Variants in ZNF146 observed in about 807,000 individuals in gnomAD.
ZNF146 encodes zinc finger protein OZF.
ZNF146 carries 9 observed loss-of-function variants against 22.2 expected under a neutral mutation model. The observed-to-expected ratio is 0.41, with a 90% CI of 0.24 to 0.71. ZNF146 has a LOEUF of 0.71. ZNF146 is among the 30% of genes least tolerant of loss of function. The probability of loss-of-function intolerance (pLI) is 0.34; values close to 1 mark genes in which losing one functional copy is unlikely to be tolerated. For synonymous variants in ZNF146, 108 were observed against 119.2 expected (o/e 0.91, Z 0.61); for missense variants, 194 against 344.8 (o/e 0.56, Z 3.46).
Position 36,237,514 on chromosome 19 carries a change from G to C in ZNF146, c.*195G>C. On this transcript the variant is annotated 3_prime_UTR_variant, in exon 4 of 4. Transcript: ENST00000443387. ...TATGATTAAAACCCTGTGTCCAACA[G>C]AGAAACCTGCAGCAGAGATAATGGT... The C allele has an allele frequency of 1.9e-6, 1 of 539,158 alleles. No individual in the cohort carries two copies. Among genetic ancestry groups the C allele is most frequent in the Non-Finnish European group, 3.1e-6 (1 of 324,776 alleles). The allele number at this position is 539,158 out of a possible 1,614,324, so 33.4% of individuals were successfully genotyped here. A position where few individuals can be genotyped will look rare whatever the true frequency, so the allele number is the denominator to read the frequency against.
chr19:36,222,126 G>A (rs1490856364), intron 2 of ZNF146, among the ~76,000 whole-genome samples: 1 of 151,870 alleles, frequency 6.6e-6, no homozygotes, highest in Non-Finnish European at 1.5e-5. Flanking sequence ...AGGTCTCACT[G>A]TTTCCCAGAT....
chr19:36,223,510 A>G (rs1328365518), intron 2 of ZNF146, among the ~76,000 whole-genome samples: 2 of 151,742 alleles, frequency 1.3e-5, no homozygotes, highest in African/African-American at 4.8e-5. Flanking sequence ...CTACAGGCGC[A>G]TGCCACCACG....
At chr19:36,233,250 A>G (rs1037954130) in intron 3 of ZNF146, among the ~76,000 whole-genome samples, 12 of 152,104 alleles carry the variant, frequency 7.9e-5, no homozygotes, top group African/African-American at 2.9e-4. Context: ...GTGGTGATGC[A>G]TGCCTGTAAT....
chr19:36,220,980 G>C (rs561730123), intron 2 of ZNF146, among the ~76,000 whole-genome samples: 6 of 151,874 alleles, frequency 4.0e-5, no homozygotes, highest in African/African-American at 1.4e-4. Flanking sequence ...AGCCTCCTGA[G>C]TAGCTGGGAT....
At chr19:36,232,194 C>CAAA (rs35069898) in intron 3 of ZNF146, among the ~76,000 whole-genome samples, 1 of 108,936 alleles carries the variant, frequency 9.2e-6, no homozygotes. Flanking sequence ...GACTCCATCT[C>CAAA]AAAAAAAAAA....
chr19:36,215,414 C>T (rs1251045143), intron 1 of ZNF146, among the ~76,000 whole-genome samples: 1 of 152,046 alleles, frequency 6.6e-6, no homozygotes, highest in Non-Finnish European at 1.5e-5. Context: ...GAATGTGAAA[C>T]TGGGTGCGGG....
rs542841710 is a variant in ZNF146, at chr19:36,235,709, G to A, written c.-732G>A. On this transcript the variant is annotated 5_prime_UTR_variant, in exon 4 of 4. Transcript: ENST00000443387. ...GATAGAGAGGCACCAGGACTTGAGAGGCACCAGGACTTGGGAGGCATGTTG... is the reference window on the plus strand; with the variant it reads ...GATAGAGAGGCACCAGGACTTGAGAAGCACCAGGACTTGGGAGGCATGTTG... 6 of 152,394 alleles carry A rather than the reference G, an allele frequency of 3.9e-5. No individual in the cohort carries two copies. The South Asian group carries it at 6.2e-4, about 16-fold the overall frequency. 9.4% of individuals were successfully genotyped at this position (152,394 alleles called of 1,614,324 possible).
chr19:36,236,393 AT>A lies in ZNF146; in HGVS notation c.-43del. The A allele has an allele frequency of 6.5e-7, 1 of 1,542,272 alleles. No homozygotes were observed. The highest frequency in any genetic ancestry group is 8.7e-7 in the Non-Finnish European group (1 of 1,150,096). On this transcript the variant is annotated 5_prime_UTR_variant, in exon 4 of 4. An upstream open reading frame in the 5' UTR loses its in-frame stop. Transcript: ENST00000443387. The stretch of plus-strand genomic sequence containing the variant: ...AAAGTAAATCCTCACTCATCAAGAA[AT>A]TTTTACTGGAGAGAAACCTTGTGAA...
intron 2 of ZNF146, among the ~76,000 whole-genome samples, chr19:36,221,662 C>A (rs1976844305): frequency 6.6e-6 from 1 of 152,126 alleles, no homozygotes; most frequent in Non-Finnish European, 1.5e-5. Flanking sequence ...CAACAAAGAT[C>A]TATCTCACAG....
intron 2 of ZNF146, among the ~76,000 whole-genome samples, chr19:36,221,745 T>G (rs561935238): frequency 6.6e-6 from 1 of 152,180 alleles, no homozygotes. Context: ...TGTTTTTTTT[T>G]GTTTGCTTCT....
At chr19:36,234,887 C>A (rs562884812) in intron 3 of ZNF146, among the ~76,000 whole-genome samples, 2 of 152,152 alleles carry the variant, frequency 1.3e-5, no homozygotes, top group Non-Finnish European at 2.9e-5. Context: ...CCTTTGTTCT[C>A]GTGACTGGAC....
rs749978139 is a variant in ZNF146, at chr19:36,236,535, C to G, written c.95C>G (p.Thr32Ser). The change falls in exon 4 of 4, where the codon ACT becomes AGT. Residue 32 changes from threonine (T) to serine (S), a missense_variant. By Grantham distance (58) the Thr-to-Ser change is moderately conservative (BLOSUM62 1). Transcript: ENST00000443387. ...GTCTTCAGCCACAAATCAAACCTCA[C>G]TGAGCATGAGCATTTTCACACGAGA... is the stretch of plus-strand genomic sequence containing the variant. ...GKVFSHKSNL[T>S]EHEHFHTREK... 1 of 1,614,212 alleles carries G rather than the reference C, an allele frequency of 6.2e-7. No individual in the cohort carries two copies. Among genetic ancestry groups the G allele is most frequent in the Non-Finnish European group, 8.5e-7 (1 of 1,180,036 alleles).
intron 2 of ZNF146, among the ~76,000 whole-genome samples, chr19:36,228,143 G>T (rs1158364585): frequency 7.2e-6 from 1 of 139,176 alleles, no homozygotes; most frequent in Non-Finnish European, 1.5e-5. Flanking sequence ...CTGGGCAACA[G>T]GAGTGAAACT....
intron 2 of ZNF146, among the ~76,000 whole-genome samples, chr19:36,228,174 A>AAAAG (rs371256255): frequency 0.039 from 5,646 of 144,044 alleles, 376 homozygotes; most frequent in African/African-American, 0.13. Context: ...AAAAAAAAAA[A>AAAAG]AAAGAAAGAA....
chr19:36,222,391 AT>A (rs1454890833), intron 2 of ZNF146, among the ~76,000 whole-genome samples: 1 of 152,086 alleles, frequency 6.6e-6, no homozygotes, highest in Non-Finnish European at 1.5e-5. Flanking sequence ...GTAATGAATA[AT>A]TTTTTTATGT....
Position 36,236,346 on chromosome 19 carries a change from G to A in ZNF146, c.-95G>A. 7.1e-7 allele frequency: 1 copy of A among 1,401,754 alleles called. No individual in the cohort carries two copies. Among genetic ancestry groups the A allele is most frequent in the South Asian group, 1.4e-5 (1 of 69,278 alleles). The allele number at this position is 1,401,754 out of a possible 1,614,324, so 86.8% of individuals were successfully genotyped here. A position where few individuals can be genotyped will look rare whatever the true frequency, so the allele number is the denominator to read the frequency against. ...ACAGAGAAGCCTTATAAATGTAAGA[G>A]ATGTGGAAATATCTTCAGCCAAAAG... On this transcript the variant is annotated 5_prime_UTR_variant, in exon 4 of 4. Coordinates refer to ENST00000443387, the MANE Select transcript of ZNF146 (RefSeq NM_007145.3).
chr19:36,229,790 G>A (rs1977244030), intron 3 of ZNF146, among the ~76,000 whole-genome samples: 1 of 152,178 alleles, frequency 6.6e-6, no homozygotes, highest in African/African-American at 2.4e-5. Context: ...CACAGTCTTG[G>A]CTCACTGCAA....
At chr19:36,232,080 A>G (rs1347923198) in intron 3 of ZNF146, among the ~76,000 whole-genome samples, 1 of 151,610 alleles carries the variant, frequency 6.6e-6, no homozygotes, top group Non-Finnish European at 1.5e-5. Context: ...ATGCACACCT[A>G]TCGTCCCAGC....
At position 36,237,026 on chromosome 19, in the gene ZNF146, C is replaced by T. The variant is rs1048874816; in HGVS notation, c.586C>T (p.Arg196Ter). ...CNECGKAFSQRTSLIVHVRIH... is the reference protein window; with the variant it reads ...CNECGKAFSQ ...CGAATGTGGAAAAGCCTTCTCTCAG[C>T]GAACATCACTTATTGTACATGTGAG... Residue 196 changes from arginine to a stop codon, truncating the protein, a stop_gained, in exon 4 of 4, where the codon CGA becomes TGA. Transcript: ENST00000443387. LOFTEE classifies it high-confidence loss of function. The T allele has an allele frequency of 1.9e-6, 3 of 1,613,878 alleles. No homozygotes were observed. Among genetic ancestry groups the T allele is most frequent in the African/African-American group, 1.3e-5 (1 of 74,870 alleles).
Sources: allele counts gnomAD v4.1 joint callset (sites outside exome capture counted in the v4.1 genomes callset), GRCh38; gene constraint gnomAD v4.1.1; transcripts MANE v1.5; gene names NCBI Gene and HGNC (gene_info 2026-07-23, HGNC 2026-07-21).